FAF2: variants seen among roughly 807,000 people sequenced by gnomAD.
The protein encoded by FAF2 is FAS-associated factor 2.
Under a neutral mutation model 62.3 loss-of-function variants are expected in FAF2, and 9 were observed. The ratio of observed to expected loss-of-function variants is 0.14; its 90% CI spans 0.09 to 0.25. The LOEUF (loss-of-function observed/expected upper bound fraction) is 0.25, where lower values mean the gene tolerates loss of function less well. Ranked by LOEUF, FAF2 falls within the 10% of genes least tolerant of loss-of-function variation. The pLI is 1.00. For synonymous variants in FAF2, 202 were observed against 198.0 expected, an observed-to-expected ratio of 1.02 and a Z score of -0.17; for missense variants, 368 against 556.2, an observed-to-expected ratio of 0.66 and a Z score of 3.40.
intron 1 of FAF2, among the ~76,000 whole-genome samples, chr5:176,478,508 C>G (rs547857395): frequency 1.3e-5 from 2 of 151,620 alleles, no homozygotes; most frequent in Admixed American, 1.3e-4. Flanking sequence ...GTAGGGGGGT[C>G]GGTATGTTAG....
intron 1 of FAF2, among the ~76,000 whole-genome samples, chr5:176,462,297 G>T (rs1462296335): frequency 6.6e-6 from 1 of 151,978 alleles, no homozygotes; most frequent in African/African-American, 2.4e-5. Context: ...AGAAAAAAGA[G>T]TGGATCAGAA....
intron 2 of FAF2, among the ~76,000 whole-genome samples, chr5:176,483,836 G>A (rs567502585): frequency 6.6e-5 from 10 of 152,258 alleles, no homozygotes; most frequent in African/African-American, 1.7e-4. Flanking sequence ...CAGCCCTTTC[G>A]GAGGCCAAGG....
rs1289291046 is a variant in FAF2, at chr5:176,494,930, C to A, written c.661+655C>A. ...CATTCAGCATTGCCAAAGCCTGCCACATTCATAGAAATACCCAGTCTTGGC... is the reference window on the plus strand; with the variant it reads ...CATTCAGCATTGCCAAAGCCTGCCAAATTCATAGAAATACCCAGTCTTGGC... On this transcript the variant is annotated intron_variant, in intron 7 of 10. Coordinates refer to ENST00000261942, the MANE Select transcript of FAF2 (RefSeq NM_014613.3). This position sits in a 1 kb window ranked among gnomAD's most constrained non-coding sequence, Gnocchi z 4.0. 6.6e-6 allele frequency among the ~76,000 whole-genome samples: 1 copy of A among 152,200 alleles called. No homozygotes were observed. Among genetic ancestry groups the A allele is most frequent in the Admixed American group, 6.5e-5 (1 of 15,284 alleles).
intron 1 of FAF2, among the ~76,000 whole-genome samples, chr5:176,470,471 G>T (rs1189749251): frequency 6.6e-6 from 1 of 152,276 alleles, no homozygotes; most frequent in African/African-American, 2.4e-5. Context: ...CAGCTACGCG[G>T]GAGGCTGAGG....
In FAF2 at chr5:176,507,047, A is replaced by T. The variant is rs998304372; in HGVS notation, c.*97A>T. Reference sequence around the variant, plus strand: ...TCAGAAAAAAAAAACAAGAGAGAGAAATTCATATTATTATTATTATTATAA... The same window carrying T: ...TCAGAAAAAAAAAACAAGAGAGAGATATTCATATTATTATTATTATTATAA... On this transcript the variant is annotated 3_prime_UTR_variant, in exon 11 of 11. Transcript: ENST00000261942. 4.2e-6 allele frequency: 3 copies of T among 707,328 alleles called. No homozygotes were observed. Among genetic ancestry groups the T allele is most frequent in the Non-Finnish European group, 6.0e-6 (3 of 498,356 alleles). 43.8% of individuals were successfully genotyped at this position (707,328 alleles called of 1,614,324 possible).
intron 1 of FAF2, among the ~76,000 whole-genome samples, chr5:176,452,280 A>T (rs1758202652): frequency 6.6e-6 from 1 of 151,790 alleles, no homozygotes. Flanking sequence ...CTGGTCTCGA[A>T]CTCCTGACCT....
At chr5:176,481,733 C>T (rs368542719) in intron 2 of FAF2, among the ~76,000 whole-genome samples, 6 of 152,124 alleles carry the variant, frequency 3.9e-5, no homozygotes, top group East Asian at 1.9e-4. Context: ...TCATAGCTCA[C>T]TGCAGTTGAA....
chr5:176,477,588 A>G (rs2113731696), intron 1 of FAF2, among the ~76,000 whole-genome samples: 1 of 152,342 alleles, frequency 6.6e-6, no homozygotes, highest in East Asian at 1.9e-4. Flanking sequence ...TGGTTCTTAA[A>G]GGAACTTTTC....
intron 1 of FAF2, among the ~76,000 whole-genome samples, chr5:176,474,345 C>T (rs749164070): frequency 3.3e-5 from 5 of 152,148 alleles, no homozygotes; most frequent in Admixed American, 1.3e-4. Flanking sequence ...CTTCAGAATA[C>T]GTATTCCCAT....
At chr5:176,489,107 C>T (rs1758925928) in intron 4 of FAF2, 80 bp downstream of exon 4, 3 of 1,040,078 alleles carry the variant, frequency 2.9e-6, no homozygotes, top group Non-Finnish European at 4.4e-6. Context: ...GCTTTATGCT[C>T]TATCAATGTT....
chr5:176,484,383 A>C (rs1284352481), intron 2 of FAF2, among the ~76,000 whole-genome samples: 1 of 152,178 alleles, frequency 6.6e-6, no homozygotes, highest in Non-Finnish European at 1.5e-5. Flanking sequence ...CCTTACCCGG[A>C]ACGTGAATTA....
chr5:176,500,200 G>A (rs1755570367), intron 10 of FAF2, 54 bp downstream of exon 10: 4 of 1,568,522 alleles, frequency 2.6e-6, no homozygotes. Flanking sequence ...CTATAGATTT[G>A]GAGCTTTTAC....
intron 1 of FAF2, among the ~76,000 whole-genome samples, chr5:176,458,120 C>T (rs969846020): frequency 6.6e-6 from 1 of 152,140 alleles, no homozygotes; most frequent in Non-Finnish European, 1.5e-5. Flanking sequence ...GAGTATCTGT[C>T]GCCCAGGCTG....
chr5:176,474,727 G>C (rs1758658475), intron 1 of FAF2, among the ~76,000 whole-genome samples: 1 of 152,072 alleles, frequency 6.6e-6, no homozygotes. Flanking sequence ...ATCTCCTTGA[G>C]GAAGCTTTCC....
At chr5:176,490,124 A>G (rs761917031) in intron 4 of FAF2, among the ~76,000 whole-genome samples, 15 of 152,006 alleles carry the variant, frequency 9.9e-5, no homozygotes, top group Non-Finnish European at 2.9e-5. Flanking sequence ...ATCCTGGCTA[A>G]TACGGTGAAA....
intron 1 of FAF2, chr5:176,453,204 T>C (rs1007874745): frequency 1.3e-5 from 2 of 152,186 alleles, no homozygotes; most frequent in African/African-American, 4.8e-5. Context: ...AATAAGGACA[T>C]AGGTTTTAAG....
intron 3 of FAF2, among the ~76,000 whole-genome samples, chr5:176,486,922 A>G (rs1192796257): frequency 6.6e-6 from 1 of 152,168 alleles, no homozygotes; most frequent in African/African-American, 2.4e-5. Context: ...GTATCTTGCT[A>G]CTAGGGATCC....
intron 10 of FAF2, among the ~76,000 whole-genome samples, chr5:176,504,738 G>A (rs1268994257): frequency 6.6e-6 from 1 of 152,172 alleles, no homozygotes; most frequent in Admixed American, 6.5e-5. Context: ...ACTAAAATAT[G>A]AGAAGTTTAT....
chr5:176,477,197 G>A (rs1219228706), intron 1 of FAF2, among the ~76,000 whole-genome samples: 4 of 140,762 alleles, frequency 2.8e-5, no homozygotes, highest in Admixed American at 7.6e-5. Flanking sequence ...TGACCGCCTC[G>A]GCCTCCCAAA....
Sources: allele counts gnomAD v4.1 joint callset (sites outside exome capture counted in the v4.1 genomes callset), GRCh38; gene constraint gnomAD v4.1.1; non-coding constraint Gnocchi (gnomAD v3.1); transcripts MANE v1.5; gene names NCBI Gene and HGNC (gene_info 2026-07-23, HGNC 2026-07-21).